The following SEC24A variants were observed in gnomAD, a reference collection of about 807,000 sequenced individuals.
The protein encoded by SEC24A is protein transport protein Sec24A.
Under a neutral mutation model 129.4 loss-of-function variants are expected in SEC24A, and 93 were observed. The observed-to-expected ratio is 0.72, with a 90% CI of 0.61 to 0.85. The LOEUF (loss-of-function observed/expected upper bound fraction) is 0.85, where lower values mean the gene tolerates loss of function less well. Among genes scored for constraint, SEC24A ranks in the 40% least tolerant of loss-of-function variants. The pLI is 0.00. For missense variants in SEC24A, 1,264 were observed against 1,307.4 expected (o/e 0.97, Z 0.51); for synonymous variants, 460 against 467.3 (o/e 0.98, Z 0.20).
intron 2 of SEC24A, among the ~76,000 whole-genome samples, chr5:134,663,907 C>T (rs6863100): frequency 0.027 from 4,051 of 152,152 alleles, 79 homozygotes; most frequent in African/African-American, 0.063. Context: ...GGCAGGAGTT[C>T]GAGACCAGCC....
chr5:134,723,014 C>T (rs1329280186), intron 21 of SEC24A, among the ~76,000 whole-genome samples: 1 of 152,010 alleles, frequency 6.6e-6, no homozygotes, highest in Non-Finnish European at 1.5e-5. Context: ...AATTACCTGG[C>T]AGGTGGCACA....
intron 1 of SEC24A, among the ~76,000 whole-genome samples, chr5:134,654,234 T>A (rs1403808000): frequency 5.3e-5 from 8 of 151,486 alleles, no homozygotes; most frequent in South Asian, 2.1e-4. Context: ...ATATATATAT[T>A]TTTTGAGACG....
chr5:134,702,271 T>TC (rs144372054), intron 15 of SEC24A, among the ~76,000 whole-genome samples: 1,981 of 152,324 alleles, frequency 0.013, 35 homozygotes, highest in African/African-American at 0.046. Flanking sequence ...TGCTTCAGCC[T>TC]CCTGAATACC....
Position 134,715,113 on chromosome 5 carries a change from G to T in SEC24A, c.2817G>T (p.Met939Ile). The stretch of plus-strand genomic sequence containing the variant: ...AAAACCAGCCCTTGGTTTACCTTAT[G>T]CTCACAACTCATCCCAGTTTGTATA... ...QVKNQPLVYL[M>I]LTTHPSLYRV... The change falls in exon 19 of 23, where the codon ATG (methionine) becomes ATT (isoleucine). Residue 939 changes from methionine to isoleucine, a missense_variant. By Grantham distance (10) the Met-to-Ile change is conservative. Transcript: ENST00000398844. 2 of 1,610,806 alleles carry T rather than the reference G, an allele frequency of 1.2e-6. No individual in the cohort carries two copies. The highest frequency in any genetic ancestry group is 8.5e-7 in the Non-Finnish European group (1 of 1,179,208).
At chr5:134,693,149 A>G (rs936136468) in intron 12 of SEC24A, 10 of 1,535,356 alleles carry the variant, frequency 6.5e-6, no homozygotes, top group South Asian at 6.0e-5. Flanking sequence ...TACCCTGTAC[A>G]TGCATATATG....
chr5:134,685,006 CTG>C (rs1751400391), intron 9 of SEC24A, among the ~76,000 whole-genome samples: 1 of 152,132 alleles, frequency 6.6e-6, no homozygotes, highest in African/African-American at 2.4e-5. Context: ...ACAGTTGACT[CTG>C]TATCCATGAG....
In SEC24A at chr5:134,712,255, C is replaced by CT. The variant is rs1204723447; in HGVS notation, c.2728-2758dup. ...GCTTTTGAATCTACAGTTCTCATTT[C>CT]TTTTTTTTTTTGTGAGATGGAGTCT... On this transcript the variant is annotated intron_variant, in intron 18 of 22. Transcript: ENST00000398844. Among the ~76,000 whole-genome samples, 1,104 of 145,092 alleles carry CT rather than the reference C, an allele frequency of 7.6e-3. 5 individuals carry two copies. Among genetic ancestry groups the CT allele is most frequent in the Non-Finnish European group, 0.011 (737 of 65,582 alleles).
intron 12 of SEC24A, chr5:134,693,411 C>A: frequency 7.4e-7 from 1 of 1,352,120 alleles, no homozygotes; most frequent in Non-Finnish European, 9.5e-7. Flanking sequence ...ATGGAGAAGG[C>A]CATATTTCAT....
chr5:134,657,403 A>T (rs1266923994), intron 1 of SEC24A, among the ~76,000 whole-genome samples: 1 of 151,992 alleles, frequency 6.6e-6, no homozygotes, highest in Non-Finnish European at 1.5e-5. Context: ...GCCATCCACC[A>T]GGTTGCTCAG....
intron 5 of SEC24A, 37 bp from the exon 6 acceptor site, chr5:134,675,008 A>C (rs1447310094): frequency 2.0e-6 from 3 of 1,501,294 alleles, no homozygotes; most frequent in Non-Finnish European, 2.7e-6. Flanking sequence ...CTACACACTT[A>C]ATAAAAGTTA....
In SEC24A at chr5:134,705,386, G is replaced by A. The variant is rs201639518; in HGVS notation, c.2500G>A (p.Val834Ile). 2.5e-5 allele frequency: 41 copies of A among 1,613,406 alleles called. No homozygotes were observed. The highest frequency in any genetic ancestry group is 3.2e-5 in the Non-Finnish European group (38 of 1,179,696). ...CLPVVSTLND[V>I]FLGADVQAIS... ...GCCAGTAGTTTCGACTCTGAATGAT[G>A]TCTTTCTTGGAGCTGATGTTCAAGC... The change falls in exon 17 of 23, where the codon GTC becomes ATC. Residue 834 changes from valine to isoleucine, a missense_variant. Physicochemically the swap from Val to Ile is conservative, Grantham distance 29 (BLOSUM62 3). Coordinates refer to ENST00000398844, the MANE Select transcript of SEC24A (RefSeq NM_021982.3).
chr5:134,726,366 G>A lies in SEC24A; in HGVS notation c.*1272G>A, dbSNP rs1391532759. The A allele has an allele frequency of 6.6e-6, 1 of 152,444 alleles. No homozygotes were observed. Among genetic ancestry groups the A allele is most frequent in the African/African-American group, 2.4e-5 (1 of 41,416 alleles). The allele number at this position is 152,444 out of a possible 1,614,324, so 9.4% of individuals were successfully genotyped here. ...TTTGTCTTAAGAATTTCTTAAATATGTTCATGTATAATACTTGATCAAAAT... is the reference window on the plus strand; with the variant it reads ...TTTGTCTTAAGAATTTCTTAAATATATTCATGTATAATACTTGATCAAAAT... On this transcript the variant is annotated 3_prime_UTR_variant, in exon 23 of 23. Transcript: ENST00000398844.
chr5:134,693,649 C>T (rs1397653999), intron 12 of SEC24A, 78 bp from the exon 13 acceptor site: 6 of 1,535,666 alleles, frequency 3.9e-6, no homozygotes, highest in Non-Finnish European at 5.2e-6. Context: ...AATGTCTTGT[C>T]TATTGTATGA....
chr5:134,719,877 T>C (rs7702233), intron 20 of SEC24A, among the ~76,000 whole-genome samples: 1 of 151,860 alleles, frequency 6.6e-6, no homozygotes, highest in Non-Finnish European at 1.5e-5. Flanking sequence ...CCCAGCTACT[T>C]GGGAGGCTGA....
chr5:134,697,567 T>C (rs1751866350), intron 14 of SEC24A, among the ~76,000 whole-genome samples: 2 of 152,122 alleles, frequency 1.3e-5, no homozygotes, highest in South Asian at 2.1e-4. Flanking sequence ...AGGAAGACCC[T>C]GTATTTGCAA....
intron 21 of SEC24A, 80 bp downstream of exon 21, chr5:134,721,170 G>T: frequency 1.2e-6 from 1 of 822,212 alleles, no homozygotes; most frequent in African/African-American, 1.7e-5. Flanking sequence ...TTTGATATCA[G>T]AAAATAATAA....
chr5:134,699,397 C>A (rs1199115508), intron 15 of SEC24A, among the ~76,000 whole-genome samples: 1 of 151,352 alleles, frequency 6.6e-6, no homozygotes, highest in Non-Finnish European at 1.5e-5. Flanking sequence ...CTCCTGGGTT[C>A]ATGCCATTCT....
chr5:134,660,920 A>G lies in SEC24A; in HGVS notation c.98-199A>G, dbSNP rs140418905. 1.3e-4 allele frequency among the ~76,000 whole-genome samples: 20 copies of G among 152,148 alleles called. No individual in the cohort carries two copies. In the East Asian group the frequency reaches 3.9e-3, roughly 29 times the overall value. ...TATGTTTGTATTTCTCTAATGACTG[A>G]TGATGTTGAATGTTTTGGCATGTGC... On this transcript the variant is annotated intron_variant, in intron 1 of 22. Transcript: ENST00000398844.
At chr5:134,663,189 C>T (rs1430428808) in intron 2 of SEC24A, among the ~76,000 whole-genome samples, 1 of 152,032 alleles carries the variant, frequency 6.6e-6, no homozygotes, top group African/African-American at 2.4e-5. Context: ...GCTATCCTCC[C>T]GCCTCACCTC....
Sources: allele counts gnomAD v4.1 joint callset (sites outside exome capture counted in the v4.1 genomes callset), GRCh38; gene constraint gnomAD v4.1.1; transcripts MANE v1.5; gene names NCBI Gene and HGNC (gene_info 2026-07-23, HGNC 2026-07-21).